The following FANCA variants were observed in gnomAD, a reference collection of about 807,000 sequenced individuals.
FANCA encodes Fanconi anemia group A protein.
FANCA carries 236 observed loss-of-function variants against 194.3 expected under a neutral mutation model. The ratio of observed to expected loss-of-function variants is 1.21; its 90% CI spans 1.09 to 1.35. The LOEUF (loss-of-function observed/expected upper bound fraction) is 1.35, where lower values mean the gene tolerates loss of function less well. Ranked by LOEUF, FANCA falls within the 40% of genes most tolerant of loss-of-function variation. The pLI is 0.00. For synonymous variants in FANCA, 1,014 were observed against 715.8 expected (o/e 1.42, Z -6.65); for missense variants, 2,628 against 1,813.9 (o/e 1.45, Z -8.15).
chr16:89,795,356 C>A (rs113591398), intron 11 of FANCA, among the ~76,000 whole-genome samples: 1 of 151,470 alleles, frequency 6.6e-6, no homozygotes, highest in Non-Finnish European at 1.5e-5. Context: ...ACGCTGGGTG[C>A]GGTGGCTCAC....
At chr16:89,778,464 T>TTA in intron 20 of FANCA, 1 of 203,220 alleles carries the variant, frequency 4.9e-6, no homozygotes. Flanking sequence ...AGACTCCATC[T>TTA]AAAAAAAAAA....
intron 14 of FANCA, chr16:89,791,052 G>A (rs2040057508): frequency 6.4e-6 from 1 of 156,650 alleles, no homozygotes; most frequent in Non-Finnish European, 1.3e-5. Flanking sequence ...TTTTTTTGGT[G>A]GAGATGAGGT....
At chr16:89,774,752 A>AAAAAAAAAAAAC (rs2039442512) in intron 21 of FANCA, among the ~76,000 whole-genome samples, 1 of 148,216 alleles carries the variant, frequency 6.7e-6, no homozygotes, top group Non-Finnish European at 1.5e-5. Context: ...AAAAAAAAAA[A>AAAAAAAAAAAAC]AATCTCAACG....
chr16:89,799,250 A>G lies in FANCA; in HGVS notation c.827-18T>C, dbSNP rs2040356910. 6.2e-7 allele frequency: 1 copy of G among 1,613,786 alleles called. No individual in the cohort carries two copies. Among genetic ancestry groups the G allele is most frequent in the East Asian group, 2.2e-5 (1 of 44,884 alleles). ...AAGTGCAACTGAAGACAGAGCCAGG[A>G]ACAGAAAACAGATGTCAGCACACGG... On this transcript the variant is annotated intron_variant, in intron 9 of 42. Coordinates refer to ENST00000389301, the MANE Select transcript of FANCA (RefSeq NM_000135.4).
Position 89,759,656 on chromosome 16 carries a change from G to C in FANCA, c.2853-951C>G, listed in dbSNP as rs1007738925. 4.3e-4 allele frequency among the ~76,000 whole-genome samples: 66 copies of C among 152,170 alleles called. 1 individual carries two copies. Among genetic ancestry groups the C allele is most frequent in the Admixed American group, 3.1e-3 (48 of 15,266 alleles). Reference sequence around the variant, plus strand: ...CCCACCTGTGGTCCCAGCTACTCAGGAGGCTGAGGCAGGAGGATCACTCGA... The same window carrying C: ...CCCACCTGTGGTCCCAGCTACTCAGCAGGCTGAGGCAGGAGGATCACTCGA... On this transcript the variant is annotated intron_variant, in intron 29 of 42. Coordinates refer to ENST00000389301, the MANE Select transcript of FANCA (RefSeq NM_000135.4).
chr16:89,767,088 C>A (rs771191349), intron 27 of FANCA, 53 bp downstream of exon 27: 2 of 1,429,538 alleles, frequency 1.4e-6, no homozygotes, highest in African/African-American at 1.4e-5. Context: ...CCGAAAGCTG[C>A]GTAAACCTGA....
intron 20 of FANCA, chr16:89,778,222 T>G (rs1439789527): frequency 1.2e-5 from 2 of 164,106 alleles, no homozygotes; most frequent in Non-Finnish European, 2.6e-5. Flanking sequence ...CAGCACTCTG[T>G]GAGGATGAGG....
intron 30 of FANCA, among the ~76,000 whole-genome samples, chr16:89,758,209 G>C (rs981626583): frequency 2.0e-5 from 3 of 152,198 alleles, no homozygotes; most frequent in African/African-American, 7.2e-5. Context: ...ACCGATGCAG[G>C]AAGCTTGGCT....
intron 7 of FANCA, among the ~76,000 whole-genome samples, chr16:89,804,076 T>TCC (rs1437806199): frequency 6.6e-6 from 1 of 152,108 alleles, no homozygotes; most frequent in Non-Finnish European, 1.5e-5. Context: ...TTTTAAAAAA[T>TCC]AAGACCAAGA....
intron 31 of FANCA, among the ~76,000 whole-genome samples, chr16:89,751,046 C>T (rs1310157581): frequency 6.6e-6 from 1 of 152,144 alleles, no homozygotes; most frequent in Admixed American, 6.6e-5. Context: ...TACACACCAC[C>T]ATGCTTGACT....
chr16:89,743,029 G>T, intron 36 of FANCA, 91 bp from the exon 37 acceptor site: 1 of 1,463,292 alleles, frequency 6.8e-7, no homozygotes, highest in Non-Finnish European at 9.3e-7. Context: ...TGTCACCTTT[G>T]GGGCCTGCCT....
rs555001070 is a variant in FANCA at position 89,764,459 on chromosome 16, C to CT, written c.2778+430dup. ...TAGCTGGAACCAAAGGTGCACACAA[C>CT]TGTGCCCAGCTAATTTTTGCATTCT... On this transcript the variant is annotated intron_variant, in intron 28 of 42. Coordinates refer to ENST00000389301, the MANE Select transcript of FANCA (RefSeq NM_000135.4). 1.4e-4 allele frequency among the ~76,000 whole-genome samples: 22 copies of CT among 152,234 alleles called. No individual in the cohort carries two copies. The East Asian group carries it at 2.9e-3, about 20-fold the overall frequency.
rs751625997 is a variant in FANCA at position 89,746,572 on chromosome 16, C to T, written c.3513+12G>A. On this transcript the variant is annotated intron_variant, in intron 35 of 42. Coordinates refer to ENST00000389301, the MANE Select transcript of FANCA (RefSeq NM_000135.4). ...CCCCAAAACAAAACACCAAACAAGA[C>T]AGCTGACCCACCAGAGCAGAGGTCA... The T allele has an allele frequency of 6.2e-7, 1 of 1,611,196 alleles. No individual in the cohort carries two copies. The highest frequency in any genetic ancestry group is 8.5e-7 in the Non-Finnish European group (1 of 1,177,494).
chr16:89,746,017 C>T (rs141449962), intron 35 of FANCA, among the ~76,000 whole-genome samples: 42 of 152,264 alleles, frequency 2.8e-4, no homozygotes, highest in Admixed American at 1.0e-3. Context: ...CCCTGATGAC[C>T]GAGAAGGAAG....
At chr16:89,810,317 C>T (rs930408867) in intron 5 of FANCA, among the ~76,000 whole-genome samples, 5 of 138,674 alleles carry the variant, frequency 3.6e-5, no homozygotes, top group Admixed American at 7.3e-5. Context: ...AGCGAGACTT[C>T]GTCTCAAAAA....
At chr16:89,776,330 G>C (rs2039505257) in intron 20 of FANCA, among the ~76,000 whole-genome samples, 1 of 151,210 alleles carries the variant, frequency 6.6e-6, no homozygotes, top group African/African-American at 2.4e-5. Context: ...ACCAGGCCCA[G>C]CTAATTTTTT....
At chr16:89,752,856 C>T (rs1275415313) in intron 30 of FANCA, among the ~76,000 whole-genome samples, 1 of 152,152 alleles carries the variant, frequency 6.6e-6, no homozygotes, top group Non-Finnish European at 1.5e-5. Context: ...AGGAACAACA[C>T]CCACTACTTA....
intron 10 of FANCA, 130 bp downstream of exon 10, chr16:89,799,036 G>C (rs371650069): frequency 1.9e-6 from 3 of 1,614,116 alleles, no homozygotes; most frequent in Admixed American, 3.3e-5. Context: ...GCACGTTATC[G>C]TAACTGGCAG....
chr16:89,739,207 C>T lies in FANCA; in HGVS notation c.4093G>A (p.Val1365Ile), dbSNP rs529210242. Residue 1365 changes from valine (V) to isoleucine (I), a missense_variant, in exon 41 of 43, where the codon GTC (valine) becomes ATC (isoleucine). Physicochemically the swap from Val to Ile is conservative, Grantham distance 29. Transcript: ENST00000389301. ...HVAVDMYLKL[V>I]QLFVAGDTST... ...GTATCCCCAGCCACGAAGAGCTGGACCAGCTTCAAGTACATGTCCACAGCA... is the reference window on the plus strand; with the variant it reads ...GTATCCCCAGCCACGAAGAGCTGGATCAGCTTCAAGTACATGTCCACAGCA... 19 of 1,614,024 alleles carry T rather than the reference C, an allele frequency of 1.2e-5. No homozygotes were observed. The South Asian group carries it at 1.9e-4, about 16-fold the overall frequency.
Sources: gnomAD v4.1 joint callset for allele counts (sites outside exome capture counted in the v4.1 genomes callset) on GRCh38, gnomAD v4.1.1 for gene constraint, MANE v1.5 for transcripts, NCBI Gene and HGNC (gene_info 2026-07-23, HGNC 2026-07-21) for gene names.